Variants in PTPRG observed in about 807,000 individuals in gnomAD.
PTPRG encodes protein tyrosine phosphatase receptor type G.
PTPRG carries 102 observed loss-of-function variants against 165.3 expected under a neutral mutation model. The observed-to-expected ratio is 0.62, with a 90% CI of 0.53 to 0.73. The LOEUF (loss-of-function observed/expected upper bound fraction) is 0.73. PTPRG is among the 30% of genes least tolerant of loss of function. The pLI, the probability that PTPRG is intolerant of heterozygous loss-of-function variation, is 0.00. For synonymous variants in PTPRG, 675 were observed against 669.5 expected, an observed-to-expected ratio of 1.01 and a Z score of -0.13; for missense variants, 1,866 against 1,861.4, an observed-to-expected ratio of 1.00 and a Z score of -0.05.
intron 2 of PTPRG, among the ~76,000 whole-genome samples, chr3:61,970,300 G>C (rs1389319055): frequency 1.3e-5 from 2 of 152,146 alleles, no homozygotes; most frequent in African/African-American, 2.4e-5. Flanking sequence ...TTAGTGTCAG[G>C]ATAAAGACCA....
chr3:61,639,388 C>T (rs891403283), intron 1 of PTPRG, among the ~76,000 whole-genome samples: 5 of 152,002 alleles, frequency 3.3e-5, no homozygotes, highest in South Asian at 2.1e-4. Context: ...TTTGGCTATT[C>T]GGGATCTTTT....
At chr3:61,901,765 A>G (rs1455656409) in intron 2 of PTPRG, among the ~76,000 whole-genome samples, 1 of 152,208 alleles carries the variant, frequency 6.6e-6, no homozygotes, top group East Asian at 1.9e-4. Flanking sequence ...CTGGGGTCTG[A>G]ACCATCTGAT....
At chr3:62,090,091 A>G (rs1701879552) in intron 5 of PTPRG, among the ~76,000 whole-genome samples, 1 of 152,234 alleles carries the variant, frequency 6.6e-6, no homozygotes, top group South Asian at 2.1e-4. Context: ...TTCTAAAATT[A>G]CACTGTCAGT....
chr3:61,713,164 G>GTTTTTTTTT (rs71100971), intron 1 of PTPRG, among the ~76,000 whole-genome samples: 1 of 111,782 alleles, frequency 8.9e-6, no homozygotes, highest in Non-Finnish European at 2.1e-5. Flanking sequence ...CATCAAATAT[G>GTTTTTTTTT]TTTTTTTTTT....
intron 2 of PTPRG, among the ~76,000 whole-genome samples, chr3:61,801,480 G>A (rs1310862581): frequency 6.6e-6 from 1 of 151,984 alleles, no homozygotes; most frequent in Non-Finnish European, 1.5e-5. Flanking sequence ...CACATACATA[G>A]AAGAGGGGTG....
intron 5 of PTPRG, among the ~76,000 whole-genome samples, chr3:62,095,826 G>A (rs1276390588): frequency 6.6e-6 from 1 of 152,114 alleles, no homozygotes; most frequent in Non-Finnish European, 1.5e-5. Flanking sequence ...GAAATTACAG[G>A]CTGAGCAGAG....
At chr3:62,215,547 C>CG (rs1491299734) in intron 12 of PTPRG, among the ~76,000 whole-genome samples, 1 of 65,842 alleles carries the variant, frequency 1.5e-5, no homozygotes, top group Non-Finnish European at 3.5e-5. Context: ...CCTACGGGAA[C>CG]CCCCCCCCCC....
intron 7 of PTPRG, among the ~76,000 whole-genome samples, chr3:62,161,012 C>T (rs1050943641): frequency 6.6e-6 from 1 of 151,950 alleles, no homozygotes; most frequent in Non-Finnish European, 1.5e-5. Context: ...AGGCAAACTG[C>T]CTGGGTTCCA....
chr3:62,283,483 T>C (rs980144114), intron 28 of PTPRG, among the ~76,000 whole-genome samples: 3 of 152,118 alleles, frequency 2.0e-5, no homozygotes, highest in African/African-American at 7.2e-5. Context: ...GAAAGGGTCA[T>C]AGATATATCT....
In PTPRG at chr3:62,254,366, G is replaced by A. The variant is rs1009043272; in HGVS notation, c.2468-758G>A. Among the ~76,000 whole-genome samples, 1 of 152,134 alleles carries A rather than the reference G, an allele frequency of 6.6e-6. No individual in the cohort carries two copies. The highest frequency in any genetic ancestry group is 2.4e-5 in the African/African-American group (1 of 41,438). ...GTTAGTTGGGTGTGGCTATTTTATAGCAGTACTCAAGTATCATGATAAATA... is the reference window on the plus strand; with the variant it reads ...GTTAGTTGGGTGTGGCTATTTTATAACAGTACTCAAGTATCATGATAAATA... On this transcript the variant is annotated intron_variant, in intron 15 of 29. Coordinates refer to ENST00000474889, the MANE Select transcript of PTPRG (RefSeq NM_002841.4). This position sits in a 1 kb window ranked among gnomAD's most constrained non-coding sequence, Gnocchi z 4.6.
chr3:61,936,549 A>G (rs1296170838), intron 2 of PTPRG, among the ~76,000 whole-genome samples: 1 of 152,154 alleles, frequency 6.6e-6, no homozygotes, highest in Non-Finnish European at 1.5e-5. Context: ...ACTGGTCAAA[A>G]CAGAGCTGTG....
At chr3:62,073,511 C>G (rs537214508) in intron 4 of PTPRG, among the ~76,000 whole-genome samples, 1 of 152,054 alleles carries the variant, frequency 6.6e-6, no homozygotes, top group South Asian at 2.1e-4. Context: ...CTGAGTCTCA[C>G]TCTGTTGCCG....
chr3:62,144,642 A>G (rs1228516308), intron 6 of PTPRG, among the ~76,000 whole-genome samples: 1 of 152,174 alleles, frequency 6.6e-6, no homozygotes, highest in Non-Finnish European at 1.5e-5. Context: ...TCCAGGAAGG[A>G]CTGATGCTTA....
intron 2 of PTPRG, among the ~76,000 whole-genome samples, chr3:61,966,510 C>T (rs2040275665): frequency 6.6e-6 from 1 of 152,214 alleles, no homozygotes; most frequent in African/African-American, 2.4e-5. Flanking sequence ...AGGTTGCCTT[C>T]TGGTGGCCCA....
intron 2 of PTPRG, among the ~76,000 whole-genome samples, chr3:61,766,272 A>C (rs1271412610): frequency 2.0e-5 from 3 of 152,224 alleles, no homozygotes; most frequent in Non-Finnish European, 2.9e-5. Flanking sequence ...GGAGAAGGTC[A>C]TGTGAAAACC....
intron 4 of PTPRG, among the ~76,000 whole-genome samples, chr3:62,043,607 G>A (rs17065745): frequency 6.6e-6 from 1 of 152,048 alleles, no homozygotes; most frequent in Non-Finnish European, 1.5e-5. Flanking sequence ...TGAATATGCG[G>A]CAATTCAGAG....
At chr3:61,847,338 A>G (rs956953013) in intron 2 of PTPRG, among the ~76,000 whole-genome samples, 2 of 152,158 alleles carry the variant, frequency 1.3e-5, no homozygotes, top group African/African-American at 4.8e-5. Flanking sequence ...GCCCACGGGA[A>G]ACTTCAAGAG....
chr3:61,667,522 A>T (rs796220152), intron 1 of PTPRG, among the ~76,000 whole-genome samples: 8 of 152,282 alleles, frequency 5.3e-5, no homozygotes, highest in African/African-American at 1.9e-4. Context: ...CACTTTTCCC[A>T]TTTTAATTCA....
At chr3:61,853,445 C>T (rs149627492) in intron 2 of PTPRG, among the ~76,000 whole-genome samples, 35 of 152,270 alleles carry the variant, frequency 2.3e-4, no homozygotes, top group African/African-American at 7.0e-4. Flanking sequence ...ATCATTAGAA[C>T]GCTGGGGAAG....
Sources: allele counts gnomAD v4.1 joint callset (sites outside exome capture counted in the v4.1 genomes callset), GRCh38; gene constraint gnomAD v4.1.1; non-coding constraint Gnocchi (gnomAD v3.1); transcripts MANE v1.5; gene names NCBI Gene and HGNC (gene_info 2026-07-23, HGNC 2026-07-21).